CNTNAP5: variants seen among roughly 807,000 people sequenced by gnomAD.
CNTNAP5 encodes the protein contactin associated protein family member 5.
A neutral mutation model predicts 150.2 loss-of-function variants in CNTNAP5; 72 were observed. The ratio of observed to expected loss-of-function variants is 0.48; its 90% CI spans 0.40 to 0.58. The LOEUF (loss-of-function observed/expected upper bound fraction) is 0.58. CNTNAP5 is among the 20% of genes least tolerant of loss of function. The pLI is 0.00. For missense variants in CNTNAP5, 1,636 were observed against 1,626.2 expected, an observed-to-expected ratio of 1.01 and a Z score of -0.10; for synonymous variants, 672 against 619.8, an observed-to-expected ratio of 1.08 and a Z score of -1.25.
intron 3 of CNTNAP5, among the ~76,000 whole-genome samples, chr2:124,369,690 T>G (rs1690469072): frequency 6.6e-6 from 1 of 152,210 alleles, no homozygotes; most frequent in Admixed American, 6.5e-5. Context: ...TGTAAGAGCT[T>G]GCTACGGTGT....
chr2:124,597,148 A>G (rs1307059469), intron 11 of CNTNAP5, among the ~76,000 whole-genome samples: 10 of 148,456 alleles, frequency 6.7e-5, no homozygotes, highest in Admixed American at 4.0e-4. Context: ...TTACATTTAA[A>G]GTTAATATTG....
chr2:124,586,991 T>C (rs1157049190), intron 11 of CNTNAP5, among the ~76,000 whole-genome samples: 3 of 152,126 alleles, frequency 2.0e-5, no homozygotes, highest in Admixed American at 6.5e-5. Flanking sequence ...GAATGGTGAG[T>C]GGACTTGGAC....
At chr2:124,834,657 C>T (rs929433933) in intron 19 of CNTNAP5, among the ~76,000 whole-genome samples, 18 of 152,110 alleles carry the variant, frequency 1.2e-4, no homozygotes, top group African/African-American at 4.3e-4. Flanking sequence ...GAGCTCTAGG[C>T]AAATCATACT....
Position 124,423,551 on chromosome 2 carries a change from G to T in CNTNAP5, c.529+5961G>T, listed in dbSNP as rs867711231. On this transcript the variant is annotated intron_variant, in intron 4 of 23. Transcript: ENST00000682447. ...TTTTTGTATTTTTTAGTAGAGACGG[G>T]GTTTCACCGTGGTCTCGATCTCCTG... 1.0e-3 allele frequency among the ~76,000 whole-genome samples: 153 copies of T among 150,760 alleles called. 1 individual carries two copies. The highest frequency in any genetic ancestry group is 3.6e-3 in the African/African-American group (147 of 41,150).
chr2:124,869,247 G>A (rs999874014), intron 20 of CNTNAP5, among the ~76,000 whole-genome samples: 4 of 152,084 alleles, frequency 2.6e-5, no homozygotes, highest in African/African-American at 4.8e-5. Flanking sequence ...ATGGGACAAT[G>A]GGGACAGTGG....
chr2:124,626,990 C>T (rs1677738074), intron 12 of CNTNAP5, among the ~76,000 whole-genome samples: 4 of 152,200 alleles, frequency 2.6e-5, no homozygotes, highest in Admixed American at 2.6e-4. Context: ...CAGATCATGG[C>T]TAGATGGCTT....
intron 1 of CNTNAP5, among the ~76,000 whole-genome samples, chr2:124,169,203 G>A (rs1684875729): frequency 6.6e-6 from 1 of 152,086 alleles, no homozygotes; most frequent in Non-Finnish European, 1.5e-5. Flanking sequence ...AAGAGAACCA[G>A]AGGGCTGCTT....
rs1288710127 is a variant in CNTNAP5 at position 124,916,085 on chromosome 2, C to T, written c.*1797C>T. Among the ~76,000 whole-genome samples the T allele has an allele frequency of 6.6e-6, 1 of 152,044 alleles. No individual in the cohort carries two copies. The highest frequency in any genetic ancestry group is 1.9e-4 in the East Asian group (1 of 5,160). On this transcript the variant is annotated 3_prime_UTR_variant, in exon 24 of 24. Coordinates refer to ENST00000682447, the MANE Select transcript of CNTNAP5 (RefSeq NM_001367498.1). ...TCCATTTCAAACACAGCTTTTCTTT[C>T]AGTTTCAGAGCTTATGAGTTAAGGA...
At chr2:124,128,930 A>C (rs941214564) in intron 1 of CNTNAP5, among the ~76,000 whole-genome samples, 1 of 152,118 alleles carries the variant, frequency 6.6e-6, no homozygotes, top group African/African-American at 2.4e-5. Flanking sequence ...GGGAGGGGAG[A>C]GGGATAGCAC....
intron 21 of CNTNAP5, among the ~76,000 whole-genome samples, chr2:124,898,837 C>T (rs371508726): frequency 6.6e-6 from 1 of 151,412 alleles, no homozygotes; most frequent in Admixed American, 6.6e-5. Flanking sequence ...TTTACTATTA[C>T]TGCTAACTAC....
chr2:124,674,687 T>C (rs892537885), intron 13 of CNTNAP5, among the ~76,000 whole-genome samples: 4 of 151,780 alleles, frequency 2.6e-5, no homozygotes, highest in African/African-American at 9.7e-5. Context: ...GTTCTGCTTT[T>C]GTTCTCTTTT....
At chr2:124,743,907 T>A (rs1359825332) in intron 13 of CNTNAP5, among the ~76,000 whole-genome samples, 4 of 152,206 alleles carry the variant, frequency 2.6e-5, no homozygotes, top group African/African-American at 9.6e-5. Context: ...TTCATTTACT[T>A]TGTCTGCAAT....
At chr2:124,407,990 G>A (rs1340132477) in intron 3 of CNTNAP5, among the ~76,000 whole-genome samples, 2 of 152,194 alleles carry the variant, frequency 1.3e-5, no homozygotes, top group East Asian at 3.9e-4. Context: ...TCTCACTAGG[G>A]AGTGCCAGAC....
intron 8 of CNTNAP5, among the ~76,000 whole-genome samples, chr2:124,510,027 C>A (rs1315159168): frequency 6.6e-6 from 1 of 151,630 alleles, no homozygotes; most frequent in Non-Finnish European, 1.5e-5. Flanking sequence ...CATGGTGAAA[C>A]CCATCTGTAC....
chr2:124,867,592 C>T (rs1365905609), intron 20 of CNTNAP5, among the ~76,000 whole-genome samples: 1 of 152,178 alleles, frequency 6.6e-6, no homozygotes, highest in Non-Finnish European at 1.5e-5. Context: ...GTTGATCCTT[C>T]TGCCTGTGTT....
chr2:124,726,917 A>T (rs1419847358), intron 13 of CNTNAP5, among the ~76,000 whole-genome samples: 1 of 152,078 alleles, frequency 6.6e-6, no homozygotes, highest in Non-Finnish European at 1.5e-5. Flanking sequence ...GTTCAGACTA[A>T]CATCATGAAG....
chr2:124,049,881 T>C (rs1573717890), intron 1 of CNTNAP5, among the ~76,000 whole-genome samples: 1 of 152,182 alleles, frequency 6.6e-6, no homozygotes, highest in African/African-American at 2.4e-5. Context: ...TCTTGGTTTA[T>C]AGATAGAAAC....
chr2:124,073,538 G>C (rs1159613385), intron 1 of CNTNAP5, among the ~76,000 whole-genome samples: 1 of 151,934 alleles, frequency 6.6e-6, no homozygotes, highest in African/African-American at 2.4e-5. Context: ...GATCTGAATA[G>C]ACTTTTCTCA....
At chr2:124,867,174 A>G (rs1267819886) in intron 20 of CNTNAP5, among the ~76,000 whole-genome samples, 3 of 152,122 alleles carry the variant, frequency 2.0e-5, no homozygotes, top group Non-Finnish European at 4.4e-5. Context: ...CCTAAAACAA[A>G]TAATTATTAC....
Sources: allele counts gnomAD v4.1 joint callset (sites outside exome capture counted in the v4.1 genomes callset), GRCh38; gene constraint gnomAD v4.1.1; transcripts MANE v1.5; gene names NCBI Gene and HGNC (gene_info 2026-07-23, HGNC 2026-07-21).